The following SCNN1B variants were observed in gnomAD, a reference collection of about 807,000 sequenced individuals.
SCNN1B encodes the protein sodium channel epithelial 1 subunit beta.
A neutral mutation model predicts 65.3 loss-of-function variants in SCNN1B; 46 were observed. That is an observed-to-expected ratio of 0.70 (90% CI 0.56 to 0.90). The LOEUF (loss-of-function observed/expected upper bound fraction) is 0.90, where lower values mean the gene tolerates loss of function less well. Ranked by LOEUF, SCNN1B falls within the 40% of genes least tolerant of loss-of-function variation. SCNN1B has a pLI of 0.00. For missense variants in SCNN1B, 751 were observed against 830.5 expected, an observed-to-expected ratio of 0.90 and a Z score of 1.18; for synonymous variants, 349 against 330.6, an observed-to-expected ratio of 1.06 and a Z score of -0.60.
At chr16:23,366,585 T>G (rs1055913483) in intron 4 of SCNN1B, among the ~76,000 whole-genome samples, 3 of 152,022 alleles carry the variant, frequency 2.0e-5, no homozygotes, top group African/African-American at 7.2e-5. Flanking sequence ...AATACACAAA[T>G]TAGCCGGGTG....
Position 23,347,623 on chromosome 16 carries a change from T to G in SCNN1B, c.-8-969T>G, listed in dbSNP as rs570864546. On this transcript the variant is annotated intron_variant, in intron 1 of 12. Coordinates refer to ENST00000343070, the MANE Select transcript of SCNN1B (RefSeq NM_000336.3). ...AGCTATACATACATTTAAGAAAGAT[T>G]AAGACCAGGTGCGGTGGTTCATGCC... Among the ~76,000 whole-genome samples, 4 of 152,310 alleles carry G rather than the reference T, an allele frequency of 2.6e-5. No homozygotes were observed. In the East Asian group the frequency reaches 7.7e-4, roughly 29 times the overall value.
At chr16:23,351,819 G>A (rs1351589055) in intron 2 of SCNN1B, among the ~76,000 whole-genome samples, 1 of 152,210 alleles carries the variant, frequency 6.6e-6, no homozygotes, top group African/African-American at 2.4e-5. Context: ...CAGCCTCACA[G>A]TCCCATTCAT....
At chr16:23,360,762 A>ATTTTTGGTTTTTGG in intron 4 of SCNN1B, among the ~76,000 whole-genome samples, 1 of 150,838 alleles carries the variant, frequency 6.6e-6, no homozygotes, top group South Asian at 2.1e-4. Context: ...CACCTGGCTA[A>ATTTTTGGTTTTTGG]TTTTTGGTTT....
At chr16:23,333,453 C>T (rs1207486263) in intron 1 of SCNN1B, among the ~76,000 whole-genome samples, 5 of 152,180 alleles carry the variant, frequency 3.3e-5, no homozygotes, top group Admixed American at 3.3e-4. Flanking sequence ...AATGACAGTT[C>T]CAACCACCCA....
chr16:23,365,583 GAAAGAGAAAGAAAGAA>G (rs1223823907), intron 4 of SCNN1B, among the ~76,000 whole-genome samples: 1 of 60,228 alleles, frequency 1.7e-5, no homozygotes, highest in Non-Finnish European at 2.9e-5. Context: ...AAGAAAGAAA[GAAAGAGAAAGAAAGAA>G]AGAAAGAAAG....
chr16:23,352,334 T>G (rs1282355087), intron 2 of SCNN1B, among the ~76,000 whole-genome samples: 1 of 152,194 alleles, frequency 6.6e-6, no homozygotes, highest in Admixed American at 6.5e-5. Context: ...GTGGCAGCCA[T>G]GCTGGAGTAG....
At chr16:23,359,593 G>A (rs945936056) in intron 4 of SCNN1B, among the ~76,000 whole-genome samples, 18 of 152,090 alleles carry the variant, frequency 1.2e-4, no homozygotes, top group African/African-American at 4.3e-4. Flanking sequence ...AGACACTGTG[G>A]CCCCTGCTTC....
chr16:23,369,945 T>C (rs541087659), intron 5 of SCNN1B, among the ~76,000 whole-genome samples: 18 of 152,284 alleles, frequency 1.2e-4, no homozygotes, highest in Non-Finnish European at 1.6e-4. Context: ...TTTTATTTTA[T>C]TTTTGGAGAT....
chr16:23,367,526 G>A (rs1962693565), intron 4 of SCNN1B, among the ~76,000 whole-genome samples: 1 of 152,212 alleles, frequency 6.6e-6, no homozygotes, highest in African/African-American at 2.4e-5. Flanking sequence ...TCAAACTCCT[G>A]GCCTCAAGCG....
chr16:23,332,942 C>T (rs1198055731), intron 1 of SCNN1B, among the ~76,000 whole-genome samples: 5 of 152,082 alleles, frequency 3.3e-5, no homozygotes, highest in Admixed American at 6.5e-5. Context: ...CGGCGGCAGG[C>T]GCCTGTAATC....
At chr16:23,293,050 G>A (rs1004421436) in intron 2 of SCNN1B, among the ~76,000 whole-genome samples, 2 of 137,494 alleles carry the variant, frequency 1.5e-5, no homozygotes, top group Non-Finnish European at 3.1e-5. Context: ...GGGAGGTGAA[G>A]TTTGCAGCGA....
At position 23,291,353 on chromosome 16, in the gene SCNN1B, G is replaced by A. The variant is rs183279234; in HGVS notation, n.178+7549G>A. On this transcript the variant is annotated intron_variant and non_coding_transcript_variant, in intron 2 of 3. Coordinates refer to the SCNN1B transcript ENST00000569789. The stretch of plus-strand genomic sequence containing the variant: ...GCTGAGATTATAGGCATGAGCCACT[G>A]CCCCCAGCCCAACCACATATTTATC... 5.9e-5 allele frequency among the ~76,000 whole-genome samples: 9 copies of A among 151,990 alleles called. No homozygotes were observed. The East Asian group carries it at 1.5e-3, about 26-fold the overall frequency.
At chr16:23,363,809 G>A (rs941589740) in intron 4 of SCNN1B, among the ~76,000 whole-genome samples, 2 of 147,166 alleles carry the variant, frequency 1.4e-5, no homozygotes, top group Non-Finnish European at 3.0e-5. Context: ...GTGACACCCT[G>A]TCTCTACCAA....
chr16:23,318,311 G>C (rs889649140), intron 1 of SCNN1B, among the ~76,000 whole-genome samples: 1 of 152,082 alleles, frequency 6.6e-6, no homozygotes, highest in Non-Finnish European at 1.5e-5. Flanking sequence ...TAAAAAACAG[G>C]TGTATACTAA....
intron 2 of SCNN1B, among the ~76,000 whole-genome samples, chr16:23,295,767 C>T (rs1960988590): frequency 6.6e-6 from 1 of 152,106 alleles, no homozygotes; most frequent in Admixed American, 6.6e-5. Context: ...TAGGGTAGTA[C>T]AGTGTTAGAG....
intron 1 of SCNN1B, among the ~76,000 whole-genome samples, chr16:23,305,461 A>AGGG (rs1961174833): frequency 7.0e-6 from 1 of 143,032 alleles, no homozygotes; most frequent in African/African-American, 2.5e-5. Flanking sequence ...GAGACCAGCG[A>AGGG]GTTGCTTGAG....
intron 5 of SCNN1B, among the ~76,000 whole-genome samples, 155 bp downstream of exon 5, chr16:23,368,114 G>A (rs1041567171): frequency 6.6e-6 from 1 of 152,184 alleles, no homozygotes; most frequent in Admixed American, 6.6e-5. Context: ...GTGTGCCAGG[G>A]GAGGCCAGGC....
At chr16:23,375,500 GC>G in intron 7 of SCNN1B, among the ~76,000 whole-genome samples, 1 of 152,274 alleles carries the variant, frequency 6.6e-6, no homozygotes, top group African/African-American at 2.4e-5. Context: ...CTGCGGTCTG[GC>G]CTGGGTCCCT....
chr16:23,291,322 C>A (rs907313816), intron 2 of SCNN1B, among the ~76,000 whole-genome samples: 7 of 152,158 alleles, frequency 4.6e-5, no homozygotes, highest in African/African-American at 1.7e-4. Context: ...CTCAACCTCC[C>A]AAAGTGCTGA....
Sources: allele counts gnomAD v4.1 joint callset (sites outside exome capture counted in the v4.1 genomes callset), GRCh38; gene constraint gnomAD v4.1.1; transcripts MANE v1.5; gene names NCBI Gene and HGNC (gene_info 2026-07-23, HGNC 2026-07-21).